CTNNBL1: variants seen among roughly 807,000 people sequenced by gnomAD.
CTNNBL1 encodes beta-catenin-like protein 1.
A neutral mutation model predicts 72.7 loss-of-function variants in CTNNBL1; 31 were observed. That is an observed-to-expected ratio of 0.43 (90% CI 0.32 to 0.58). The LOEUF (loss-of-function observed/expected upper bound fraction) is 0.58, where lower values mean the gene tolerates loss of function less well. CTNNBL1 is among the 20% of genes least tolerant of loss of function. CTNNBL1 has a pLI of 0.08. For missense variants in CTNNBL1, 534 were observed against 725.1 expected (o/e 0.74, Z 3.03); for synonymous variants, 240 against 267.3 (o/e 0.90, Z 1.00).
rs373881651 is a variant in CTNNBL1 at position 37,709,459 on chromosome 20, G to A, written c.30+15307G>A. ...CACCAGTCCTCTGCTGGTATATAATGTTGGAATGCGATTTTCTTTGCAGCT... is the reference window on the plus strand; with the variant it reads ...CACCAGTCCTCTGCTGGTATATAATATTGGAATGCGATTTTCTTTGCAGCT... On this transcript the variant is annotated intron_variant, in intron 1 of 15. Coordinates refer to ENST00000361383, the MANE Select transcript of CTNNBL1 (RefSeq NM_030877.5). Among the ~76,000 whole-genome samples, 3 of 152,210 alleles carry A rather than the reference G, an allele frequency of 2.0e-5. No homozygotes were observed. In the East Asian group the frequency reaches 5.8e-4, roughly 29 times the overall value.
rs143577531 is a variant in CTNNBL1, at chr20:37,828,194, G to A, written c.1214-11908G>A. ...AGGTACAGATACGACTGAGACGCGGGCCTGGCCTTTGAGTTTACCATCTAT... is the reference window on the plus strand; with the variant it reads ...AGGTACAGATACGACTGAGACGCGGACCTGGCCTTTGAGTTTACCATCTAT... On this transcript the variant is annotated intron_variant, in intron 11 of 15. Coordinates refer to ENST00000361383, the MANE Select transcript of CTNNBL1 (RefSeq NM_030877.5). 2.1e-3 allele frequency among the ~76,000 whole-genome samples: 321 copies of A among 152,292 alleles called. 2 individuals carry two copies. Among genetic ancestry groups the A allele is most frequent in the Middle Eastern group, 0.014 (4 of 294 alleles).
chr20:37,707,797 A>G (rs555224213), intron 1 of CTNNBL1, among the ~76,000 whole-genome samples: 1 of 152,288 alleles, frequency 6.6e-6, no homozygotes, highest in East Asian at 1.9e-4. Context: ...CTAAAGCTTA[A>G]TCATGTATAG....
intron 13 of CTNNBL1, among the ~76,000 whole-genome samples, chr20:37,859,217 C>A (rs769994488): frequency 6.6e-6 from 1 of 151,868 alleles, no homozygotes; most frequent in Non-Finnish European, 1.5e-5. Context: ...ATTAGCTGGG[C>A]GTGGTGGCAC....
At chr20:37,731,189 G>A (rs2073124879) in intron 1 of CTNNBL1, among the ~76,000 whole-genome samples, 1 of 151,366 alleles carries the variant, frequency 6.6e-6, no homozygotes, top group South Asian at 2.1e-4. Context: ...ATTATATTCA[G>A]CATTCAGTGC....
At chr20:37,765,131 G>A (rs765096142) in intron 5 of CTNNBL1, 66 bp from the exon 6 acceptor site, 9 of 1,060,686 alleles carry the variant, frequency 8.5e-6, no homozygotes, top group African/African-American at 1.6e-5. Flanking sequence ...GTAAGTATGG[G>A]AACGGGAACA....
chr20:37,778,989 CT>C (rs376278870), intron 9 of CTNNBL1, among the ~76,000 whole-genome samples, 197 bp from the exon 10 acceptor site: 57 of 143,798 alleles, frequency 4.0e-4, no homozygotes, highest in African/African-American at 4.3e-4. Context: ...AGTGTTTTGG[CT>C]TTTTTTTTTG....
chr20:37,746,359 C>A, intron 3 of CTNNBL1, 109 bp from the exon 4 acceptor site: 1 of 1,175,980 alleles, frequency 8.5e-7, no homozygotes, highest in South Asian at 1.4e-5. Context: ...CTTGGTTGGT[C>A]TGTTGTAGAC....
At chr20:37,749,316 A>G (rs1600462175) in intron 4 of CTNNBL1, among the ~76,000 whole-genome samples, 1 of 152,326 alleles carries the variant, frequency 6.6e-6, no homozygotes, top group Admixed American at 6.5e-5. Context: ...AAATAATAGT[A>G]GCTGCTTTTG....
At chr20:37,804,979 G>A (rs964089588) in intron 11 of CTNNBL1, among the ~76,000 whole-genome samples, 7 of 152,208 alleles carry the variant, frequency 4.6e-5, no homozygotes, top group African/African-American at 9.7e-5. Flanking sequence ...CATCCTGAGC[G>A]GACCAGTACC....
chr20:37,696,957 G>T (rs2072798411), intron 1 of CTNNBL1, among the ~76,000 whole-genome samples: 2 of 151,928 alleles, frequency 1.3e-5, no homozygotes, highest in African/African-American at 4.8e-5. Context: ...TGAGGCGGGT[G>T]GGTCACCTGA....
At chr20:37,809,343 G>C (rs1293228775) in intron 11 of CTNNBL1, among the ~76,000 whole-genome samples, 2 of 152,144 alleles carry the variant, frequency 1.3e-5, no homozygotes, top group Non-Finnish European at 2.9e-5. Flanking sequence ...GAAACAAAAG[G>C]CATTAGAATT....
chr20:37,738,754 A>G (rs540169013), intron 3 of CTNNBL1, among the ~76,000 whole-genome samples: 1 of 152,360 alleles, frequency 6.6e-6, no homozygotes, highest in East Asian at 1.9e-4. Flanking sequence ...CAGAAAAGAT[A>G]GTAGTTGAGC....
At chr20:37,752,504 GC>G (rs2073328556) in intron 4 of CTNNBL1, among the ~76,000 whole-genome samples, 1 of 150,496 alleles carries the variant, frequency 6.6e-6, no homozygotes, top group African/African-American at 2.4e-5. Flanking sequence ...TCTTAAGAAA[GC>G]CTTTTTGAAA....
At chr20:37,776,026 C>T (rs1600480537) in intron 7 of CTNNBL1, among the ~76,000 whole-genome samples, 1 of 152,194 alleles carries the variant, frequency 6.6e-6, no homozygotes, top group South Asian at 2.1e-4. Context: ...GAGATGCTTA[C>T]TCCTTGGCTT....
At chr20:37,866,046 T>C (rs1426247756) in intron 15 of CTNNBL1, among the ~76,000 whole-genome samples, 6 of 152,218 alleles carry the variant, frequency 3.9e-5, no homozygotes, top group Non-Finnish European at 7.3e-5. Context: ...TTGGATGACA[T>C]GTTGGCATGT....
Position 37,721,768 on chromosome 20 carries a change from C to A in CTNNBL1, c.31-11111C>A, listed in dbSNP as rs2073042327. ...TTACTGTTACTATTTATGCATGCAT[C>A]CATGGATCATTTAACTTTGTTTCTT... is the stretch of plus-strand genomic sequence containing the variant. On this transcript the variant is annotated intron_variant, in intron 1 of 15. Coordinates refer to ENST00000361383, the MANE Select transcript of CTNNBL1 (RefSeq NM_030877.5). Among the ~76,000 whole-genome samples the A allele has an allele frequency of 2.6e-5, 4 of 152,156 alleles. No homozygotes were observed. In the South Asian group the frequency reaches 8.3e-4, roughly 32 times the overall value.
At chr20:37,869,844 G>A (rs1375078351) in intron 15 of CTNNBL1, among the ~76,000 whole-genome samples, 2 of 152,136 alleles carry the variant, frequency 1.3e-5, no homozygotes, top group Non-Finnish European at 2.9e-5. Context: ...GTCAGAGCTA[G>A]GATTTGATTG....
intron 11 of CTNNBL1, among the ~76,000 whole-genome samples, chr20:37,820,825 T>C (rs981931996): frequency 6.6e-6 from 1 of 152,190 alleles, no homozygotes; most frequent in Non-Finnish European, 1.5e-5. Flanking sequence ...GTAGTATCTT[T>C]ATAGTAGCGT....
Position 37,767,992 on chromosome 20 carries a change from G to A in CTNNBL1, c.698G>A (p.Cys233Tyr). Reference protein sequence around the residue: ...ENMAEFRPEMCTEGAQQGLLQ... With the variant: ...ENMAEFRPEMYTEGAQQGLLQ... ...ATGGCTGAGTTCCGGCCTGAGATGT[G>A]TACAGAGGGTGCCCAGCAGGGTCTT... Residue 233 changes from cysteine (C) to tyrosine (Y), a missense_variant, in exon 7 of 16, where the codon TGT (cysteine) becomes TAT (tyrosine). Transcript: ENST00000361383. 1.9e-6 allele frequency: 3 copies of A among 1,614,080 alleles called. No individual in the cohort carries two copies. Among genetic ancestry groups the A allele is most frequent in the South Asian group, 1.1e-5 (1 of 91,080 alleles).
Sources: allele counts gnomAD v4.1 joint callset (sites outside exome capture counted in the v4.1 genomes callset), GRCh38; gene constraint gnomAD v4.1.1; transcripts MANE v1.5; gene names NCBI Gene and HGNC (gene_info 2026-07-23, HGNC 2026-07-21).